Variants in CDC42SE2 observed in about 807,000 individuals in gnomAD.
The protein encoded by CDC42SE2 is CDC42 small effector 2, also known as CDC42 small effector protein 2.
Under a neutral mutation model 11.5 loss-of-function variants are expected in CDC42SE2, and 3 were observed. The observed-to-expected ratio is 0.26, with a 90% confidence interval of 0.12 to 0.67. The LOEUF is 0.67. Among genes scored for constraint, CDC42SE2 ranks in the 30% least tolerant of loss-of-function variants. The pLI is 0.80. For synonymous variants in CDC42SE2, 33 were observed against 34.8 expected (o/e 0.95, Z 0.18); for missense variants, 82 against 106.8 (o/e 0.77, Z 1.02).
intron 2 of CDC42SE2, among the ~76,000 whole-genome samples, chr5:131,339,348 C>G (rs867190404): frequency 3.8e-4 from 55 of 144,328 alleles, no homozygotes; most frequent in South Asian, 1.3e-3. Flanking sequence ...GATAAGGAAA[C>G]AGTCCAACAT....
chr5:131,304,670 T>C (rs1452363068), intron 1 of CDC42SE2, among the ~76,000 whole-genome samples: 2 of 152,182 alleles, frequency 1.3e-5, no homozygotes, highest in Non-Finnish European at 2.9e-5. Flanking sequence ...CATGCCAAAT[T>C]ATATTATACT....
chr5:131,229,447 G>T, the CDC42SE2 span, among the ~76,000 whole-genome samples: 2 of 151,926 alleles, frequency 1.3e-5, no homozygotes, highest in African/African-American at 4.8e-5. Flanking sequence ...TGAGAAGGGA[G>T]TCTCACTGTG....
At chr5:131,385,335 AAAT>A (rs1471954159) in intron 3 of CDC42SE2, among the ~76,000 whole-genome samples, 3 of 152,248 alleles carry the variant, frequency 2.0e-5, no homozygotes, top group Non-Finnish European at 4.4e-5. Context: ...ATTAAGCTCT[AAAT>A]AATAACCTGT....
chr5:131,233,948 G>T, the CDC42SE2 span, among the ~76,000 whole-genome samples: 23 of 152,106 alleles, frequency 1.5e-4, no homozygotes, highest in South Asian at 6.2e-4. Flanking sequence ...CAACCTATAG[G>T]TCCCTAAATG....
At position 131,368,265 on chromosome 5, in the gene CDC42SE2, A is replaced by C. The variant is rs545362924; in HGVS notation, c.54+8718A>C. 1.2e-3 allele frequency among the ~76,000 whole-genome samples: 176 copies of C among 151,726 alleles called. 2 individuals carry two copies. The highest frequency in any genetic ancestry group is 4.1e-3 in the African/African-American group (169 of 41,292). Reference sequence around the variant, plus strand: ...GAGACTCCATCTCAAAAAAAAAAAAAAAAAAAAAGAAGTCTTTCCCCTCCC... The same window carrying C: ...GAGACTCCATCTCAAAAAAAAAAAACAAAAAAAAGAAGTCTTTCCCCTCCC... On this transcript the variant is annotated intron_variant, in intron 3 of 4. Transcript: ENST00000505065.
At chr5:131,345,155 T>G (rs1452034192) in intron 2 of CDC42SE2, among the ~76,000 whole-genome samples, 1 of 151,604 alleles carries the variant, frequency 6.6e-6, no homozygotes, top group Admixed American at 6.5e-5. Flanking sequence ...AGAATGACTT[T>G]GGCAAGTTGA....
At chr5:131,310,340 A>G (rs1342061487) in intron 1 of CDC42SE2, among the ~76,000 whole-genome samples, 2 of 151,344 alleles carry the variant, frequency 1.3e-5, no homozygotes, top group African/African-American at 2.4e-5. Flanking sequence ...GTTCTTTTAC[A>G]TTTGCTGAGG....
At chr5:131,276,331 C>A (rs1283825170) in intron 1 of CDC42SE2, among the ~76,000 whole-genome samples, 1 of 150,816 alleles carries the variant, frequency 6.6e-6, no homozygotes, top group Non-Finnish European at 1.5e-5. Context: ...CACCCATAGT[C>A]CCTCCTACTC....
chr5:131,272,363 A>G (rs182507290), intron 1 of CDC42SE2, among the ~76,000 whole-genome samples: 3 of 152,002 alleles, frequency 2.0e-5, no homozygotes, highest in African/African-American at 4.8e-5. Context: ...TTTAATCACC[A>G]CAGATTACTT....
At chr5:131,320,271 A>T (rs1758158988) in intron 2 of CDC42SE2, among the ~76,000 whole-genome samples, 1 of 151,516 alleles carries the variant, frequency 6.6e-6, no homozygotes, top group Admixed American at 6.6e-5. Flanking sequence ...GCATGCCTGT[A>T]ATCCCAGCTA....
chr5:131,258,854 T>C lies in CDC42SE2; in HGVS notation n.242+3625T>C, dbSNP rs190053965. On this transcript the variant is annotated intron_variant and non_coding_transcript_variant, in intron 2 of 3. Coordinates refer to the CDC42SE2 transcript ENST00000502840. ...TCAAATGTTGATGTGTGACATTTCATTAAAGACAAAGACCATGCTTTATAC... is the reference window on the plus strand; with the variant it reads ...TCAAATGTTGATGTGTGACATTTCACTAAAGACAAAGACCATGCTTTATAC... 4.2e-4 allele frequency among the ~76,000 whole-genome samples: 64 copies of C among 152,344 alleles called. 1 individual carries two copies. In the East Asian group the frequency reaches 9.8e-3, roughly 23 times the overall value.
At chr5:131,336,972 T>C (rs1217548902) in intron 2 of CDC42SE2, among the ~76,000 whole-genome samples, 2 of 152,150 alleles carry the variant, frequency 1.3e-5, no homozygotes, top group Non-Finnish European at 2.9e-5. Flanking sequence ...TGTCAGCTCG[T>C]CAGTCATTCT....
At chr5:131,352,971 G>A (rs1038341102) in intron 2 of CDC42SE2, among the ~76,000 whole-genome samples, 2 of 151,784 alleles carry the variant, frequency 1.3e-5, no homozygotes, top group Middle Eastern at 3.4e-3. Flanking sequence ...ACTGCTCATT[G>A]TTAGTTTTTT....
At chr5:131,338,900 T>A (rs1483779648) in intron 2 of CDC42SE2, among the ~76,000 whole-genome samples, 1 of 152,164 alleles carries the variant, frequency 6.6e-6, no homozygotes, top group Non-Finnish European at 1.5e-5. Context: ...CTGCAACTTG[T>A]GAGCCTGACC....
At chr5:131,250,767 G>A (rs141654186) in intron 1 of CDC42SE2, among the ~76,000 whole-genome samples, 35 of 152,268 alleles carry the variant, frequency 2.3e-4, no homozygotes, top group African/African-American at 7.5e-4. Flanking sequence ...TGGGCCAGGC[G>A]TGGTGGCTCT....
At chr5:131,382,535 C>T (rs1205825012) in intron 3 of CDC42SE2, among the ~76,000 whole-genome samples, 1 of 152,182 alleles carries the variant, frequency 6.6e-6, no homozygotes, top group Non-Finnish European at 1.5e-5. Context: ...TGCAGGTTCA[C>T]AGGACAAGGG....
chr5:131,306,042 G>T (rs1757771204), intron 1 of CDC42SE2, among the ~76,000 whole-genome samples: 1 of 152,170 alleles, frequency 6.6e-6, no homozygotes, highest in Non-Finnish European at 1.5e-5. Context: ...TCTGCAGTTT[G>T]AGTTAATCTT....
intron 2 of CDC42SE2, among the ~76,000 whole-genome samples, chr5:131,348,841 C>G (rs999232170): frequency 1.3e-5 from 2 of 152,172 alleles, no homozygotes; most frequent in South Asian, 2.1e-4. Context: ...TACCACACAT[C>G]TACACCCATC....
At chr5:131,390,926 T>C in intron 4 of CDC42SE2, 67 bp from the exon 5 acceptor site, 1 of 992,566 alleles carries the variant, frequency 1.0e-6, no homozygotes, top group Non-Finnish European at 1.5e-6. Context: ...GGAAAAGAAT[T>C]ACTTAGTTGC....
Sources: allele counts gnomAD v4.1 joint callset (sites outside exome capture counted in the v4.1 genomes callset), GRCh38; gene constraint gnomAD v4.1.1; transcripts MANE v1.5; gene names NCBI Gene and HGNC (gene_info 2026-07-23, HGNC 2026-07-21).